The following DMD variants were observed in gnomAD, a reference collection of about 807,000 sequenced individuals.
DMD encodes dystrophin, also known as mutant dystrophin.
A neutral mutation model predicts 330.1 loss-of-function variants in DMD; 63 were observed. The observed-to-expected ratio is 0.19, with a 90% CI of 0.16 to 0.24. The LOEUF is 0.24. Ranked by LOEUF, DMD falls within the 10% of genes least tolerant of loss-of-function variation. DMD has a pLI of 1.00. For missense variants in DMD, 3,344 were observed against 2,684.1 expected (o/e 1.25, Z -5.43); for synonymous variants, 1,223 against 959.8 (o/e 1.27, Z -5.07).
At chrX:32,163,174 C>A (rs999296386) in intron 44 of DMD, among the ~76,000 whole-genome samples, 2 of 111,834 alleles carry the variant, frequency 1.8e-5, no homozygotes, top group Non-Finnish European at 3.8e-5. Flanking sequence ...GGGCTCTTCT[C>A]TTTCTTTCCC....
chrX:31,773,290 A>G (rs2090449274), intron 51 of DMD, among the ~76,000 whole-genome samples: 1 of 112,142 alleles, frequency 8.9e-6, no homozygotes, highest in African/African-American at 3.2e-5. Context: ...CCATATTTAC[A>G]TCAATGTATT....
At chrX:31,240,680 C>T (rs1329801598) in intron 63 of DMD, among the ~76,000 whole-genome samples, 2 of 110,993 alleles carry the variant, frequency 1.8e-5, no homozygotes, top group Non-Finnish European at 3.8e-5. Flanking sequence ...TTATTAGGTG[C>T]TTACCCTATG....
At chrX:32,735,647 GAA>G (rs944389247) in intron 7 of DMD, among the ~76,000 whole-genome samples, 2 of 111,301 alleles carry the variant, frequency 1.8e-5, no homozygotes, top group Non-Finnish European at 3.8e-5. Flanking sequence ...ACAAACCTGA[GAA>G]AAACAAGCAA....
intron 1 of DMD, among the ~76,000 whole-genome samples, chrX:33,219,254 G>C (rs1195913761): frequency 1.8e-5 from 2 of 108,215 alleles, no homozygotes; most frequent in Non-Finnish European, 3.8e-5. Context: ...TGCCAGGTGG[G>C]AGTGAAGGTC....
At chrX:32,625,515 T>C (rs765456873) in intron 11 of DMD, among the ~76,000 whole-genome samples, 14 of 112,148 alleles carry the variant, frequency 1.2e-4, no homozygotes, top group Non-Finnish European at 2.3e-4. Context: ...TGTCCTCCAA[T>C]GTCTATGAGG....
At chrX:32,330,004 G>A (rs2097671440) in intron 41 of DMD, among the ~76,000 whole-genome samples, 1 of 111,980 alleles carries the variant, frequency 8.9e-6, no homozygotes, top group Non-Finnish European at 1.9e-5. Context: ...AGCTATTTAG[G>A]AATTTTAAAA....
chrX:32,878,743 C>T (rs1967726), intron 2 of DMD, among the ~76,000 whole-genome samples: 48,000 of 109,113 alleles, frequency 0.44, 7,801 homozygotes, highest in Admixed American at 0.54. Flanking sequence ...GGTGCAATGG[C>T]TCATGCCTGT....
intron 44 of DMD, among the ~76,000 whole-genome samples, chrX:32,000,965 A>T (rs183303055): frequency 1.3e-4 from 15 of 111,188 alleles, no homozygotes; most frequent in Admixed American, 2.9e-4. Flanking sequence ...AATGGGTTGC[A>T]TACAACGGGC....
chrX:33,198,017 C>G (rs937646204), intron 1 of DMD, among the ~76,000 whole-genome samples: 1 of 111,276 alleles, frequency 9.0e-6, no homozygotes, highest in African/African-American at 3.3e-5. Flanking sequence ...ATGGTTGTAC[C>G]ATTTTACATT....
chrX:31,410,841 C>T (rs943001682), intron 60 of DMD, among the ~76,000 whole-genome samples: 26 of 108,233 alleles, frequency 2.4e-4, no homozygotes, highest in Admixed American at 6.0e-4. Flanking sequence ...CAGGTTCAAG[C>T]GATTCTTCCA....
chrX:33,142,211 A>T (rs2047829432), intron 1 of DMD, among the ~76,000 whole-genome samples: 1 of 111,745 alleles, frequency 8.9e-6, no homozygotes, highest in Admixed American at 9.5e-5. Flanking sequence ...TCAGCCTCCC[A>T]AGTAGCTGGG....
Position 33,038,443 on chromosome X carries a change from C to G in DMD, c.32-18243G>C, listed in dbSNP as rs994466889. Among the ~76,000 whole-genome samples the G allele has an allele frequency of 5.4e-5, 6 of 111,845 alleles. No individual in the cohort carries two copies. In the East Asian group the frequency reaches 1.1e-3, roughly 21 times the overall value. ...AAGCAAATGCCTGCTTTTATTTTCTCCTAATTAACAAGTTTAATCCTTTGC... is the reference window on the plus strand; with the variant it reads ...AAGCAAATGCCTGCTTTTATTTTCTGCTAATTAACAAGTTTAATCCTTTGC... On this transcript the variant is annotated intron_variant, in intron 1 of 78. Coordinates refer to ENST00000357033, the MANE Select transcript of DMD (RefSeq NM_004006.3).
intron 1 of DMD, among the ~76,000 whole-genome samples, chrX:33,257,545 T>C (rs1277457877): frequency 9.0e-6 from 1 of 111,361 alleles, no homozygotes; most frequent in Non-Finnish European, 1.9e-5. Flanking sequence ...AAATATGCAA[T>C]GTAGCATCCT....
intron 7 of DMD, among the ~76,000 whole-genome samples, chrX:32,789,131 G>C: frequency 8.9e-6 from 1 of 112,185 alleles, no homozygotes; most frequent in Non-Finnish European, 1.9e-5. Flanking sequence ...GGAATGAAGA[G>C]AGACAACTGT....
chrX:32,314,016 T>A (rs746414785), intron 41 of DMD, among the ~76,000 whole-genome samples: 23 of 111,673 alleles, frequency 2.1e-4, no homozygotes, highest in Non-Finnish European at 2.3e-4. Context: ...CAAGCTACCA[T>A]TGACTTTCTT....
intron 17 of DMD, among the ~76,000 whole-genome samples, chrX:32,541,512 A>G (rs1431867234): frequency 8.9e-6 from 1 of 112,497 alleles, no homozygotes; most frequent in Admixed American, 9.4e-5. Context: ...GATAACAAGT[A>G]ATTTGCCTGC....
chrX:32,417,559 G>T (rs184779379), intron 29 of DMD, among the ~76,000 whole-genome samples: 12 of 110,873 alleles, frequency 1.1e-4, no homozygotes, highest in Non-Finnish European at 2.1e-4. Context: ...AGTGAAGAAG[G>T]GGGGCAGCCT....
intron 47 of DMD, among the ~76,000 whole-genome samples, chrX:31,911,179 T>C (rs1408542906): frequency 3.6e-5 from 4 of 112,239 alleles, no homozygotes; most frequent in African/African-American, 1.3e-4. Context: ...TTTACAGAAA[T>C]GACACATTTT....
chrX:31,867,217 T>TA (rs1046954982), intron 48 of DMD, among the ~76,000 whole-genome samples: 4 of 109,296 alleles, frequency 3.7e-5, no homozygotes, highest in Admixed American at 3.0e-4. Flanking sequence ...GTTTTTTTTT[T>TA]TATATTTTGG....
Sources: allele counts gnomAD v4.1 joint callset (sites outside exome capture counted in the v4.1 genomes callset), GRCh38; gene constraint gnomAD v4.1.1; transcripts MANE v1.5; gene names NCBI Gene and HGNC (gene_info 2026-07-23, HGNC 2026-07-21).